The following AR variants were observed in gnomAD, a reference collection of about 807,000 sequenced individuals.
The protein encoded by AR is androgen receptor, also known as dihydrotestosterone receptor.
Under a neutral mutation model 53.9 loss-of-function variants are expected in AR, and 8 were observed. The ratio of observed to expected loss-of-function variants is 0.15; its 90% CI spans 0.09 to 0.27. AR has a LOEUF of 0.27. AR is among the 10% of genes least tolerant of loss of function. The pLI is 1.00. For missense variants in AR, 639 were observed against 742.5 expected (o/e 0.86, Z 1.62); for synonymous variants, 359 against 316.4 (o/e 1.13, Z -1.43).
chrX:67,697,597 C>T, intron 3 of AR, among the ~76,000 whole-genome samples: 1 of 111,437 alleles, frequency 9.0e-6, no homozygotes, highest in Non-Finnish European at 1.9e-5. Context: ...GCTAGAGATC[C>T]ATTCTTAGAA....
intron 1 of AR, among the ~76,000 whole-genome samples, chrX:67,627,955 G>T (rs189317922): frequency 9.0e-6 from 1 of 111,173 alleles, no homozygotes. Context: ...GTAGATATGC[G>T]GCATTATTTC....
chrX:67,626,636 T>A (rs867996631), intron 1 of AR, among the ~76,000 whole-genome samples: 6 of 89,505 alleles, frequency 6.7e-5, no homozygotes, highest in South Asian at 1.0e-3. Context: ...ATATATATAT[T>A]TATTATTATT....
intron 1 of AR, among the ~76,000 whole-genome samples, chrX:67,556,438 G>C (rs1346445581): frequency 8.9e-6 from 1 of 111,841 alleles, no homozygotes; most frequent in East Asian, 2.8e-4. Flanking sequence ...CAGACTGATG[G>C]ATTTGGTTGT....
At chrX:67,607,132 C>T (rs1387901830) in intron 1 of AR, among the ~76,000 whole-genome samples, 2 of 111,196 alleles carry the variant, frequency 1.8e-5, no homozygotes, top group Non-Finnish European at 3.8e-5. Flanking sequence ...CAGGTTCAAG[C>T]GATTCTCCTG....
At position 67,723,993 on chromosome X, in the gene AR, G is replaced by T. The variant is rs2076148227; in HGVS notation, c.*152G>T. 9 of 780,981 alleles carry T rather than the reference G, an allele frequency of 1.2e-5. No individual in the cohort carries two copies. Among genetic ancestry groups the T allele is most frequent in the Admixed American group, 3.2e-5 (1 of 31,336 alleles). 64.4% of individuals were successfully genotyped at this position (780,981 alleles called of 1,213,427 possible). A position where few individuals can be genotyped will look rare whatever the true frequency, so the allele number is the denominator to read the frequency against. On this transcript the variant is annotated 3_prime_UTR_variant, in exon 8 of 8. Transcript: ENST00000374690. ...ATGAACATGTTCCTGAATTCTATTT[G>T]CTGGGCTTTTTTTTTCTCTTTCTCT...
intron 1 of AR, among the ~76,000 whole-genome samples, chrX:67,613,057 C>G (rs1000274763): frequency 8.9e-6 from 1 of 112,171 alleles, no homozygotes; most frequent in Non-Finnish European, 1.9e-5. Context: ...GGCTTTGCCC[C>G]AGGGATGGTA....
At chrX:67,674,238 G>T (rs2075885228) in intron 2 of AR, among the ~76,000 whole-genome samples, 1 of 109,004 alleles carries the variant, frequency 9.2e-6, no homozygotes, top group African/African-American at 3.4e-5. Context: ...GGGTAGGGAT[G>T]ACACAATCAC....
At chrX:67,661,815 T>A (rs1926935934) in intron 2 of AR, among the ~76,000 whole-genome samples, 1 of 111,741 alleles carries the variant, frequency 8.9e-6, no homozygotes, top group Non-Finnish European at 1.9e-5. Flanking sequence ...TGAATCCATC[T>A]GGTTCTGGAC....
intron 1 of AR, among the ~76,000 whole-genome samples, chrX:67,572,958 G>A (rs897533021): frequency 1.8e-5 from 2 of 111,754 alleles, no homozygotes; most frequent in East Asian, 2.8e-4. Flanking sequence ...GCCGAATGAC[G>A]TGGGTAAGAA....
chrX:67,634,963 A>T (rs1018814127), intron 1 of AR, among the ~76,000 whole-genome samples: 1 of 110,559 alleles, frequency 9.0e-6, no homozygotes, highest in Admixed American at 9.7e-5. Flanking sequence ...TATGAGAAAG[A>T]TATGTGTTTA....
intron 3 of AR, among the ~76,000 whole-genome samples, chrX:67,709,767 C>T (rs780670547): frequency 8.9e-6 from 1 of 111,972 alleles, no homozygotes; most frequent in East Asian, 2.8e-4. Flanking sequence ...TGTTCCTATT[C>T]GGCCATCTTA....
At chrX:67,701,707 C>T (rs1195415846) in intron 3 of AR, among the ~76,000 whole-genome samples, 1 of 109,050 alleles carries the variant, frequency 9.2e-6, no homozygotes, top group African/African-American at 3.5e-5. Flanking sequence ...CACACACACA[C>T]ACATGCACAC....
chrX:67,669,463 T>C (rs1010572850), intron 2 of AR, among the ~76,000 whole-genome samples: 1 of 111,680 alleles, frequency 9.0e-6, no homozygotes, highest in African/African-American at 3.2e-5. Context: ...TGACCTAAGA[T>C]ATGATCTGTC....
At chrX:67,632,505 C>T (rs976409994) in intron 1 of AR, among the ~76,000 whole-genome samples, 45 of 112,359 alleles carry the variant, frequency 4.0e-4, no homozygotes, top group Admixed American at 2.9e-3. Flanking sequence ...GGCTCACACA[C>T]GGTGCGCTGC....
intron 2 of AR, among the ~76,000 whole-genome samples, chrX:67,679,035 T>A (rs1330974467): frequency 2.7e-5 from 3 of 111,237 alleles, no homozygotes; most frequent in African/African-American, 9.9e-5. Flanking sequence ...AATTTAAATA[T>A]TCTAACCACA....
intron 4 of AR, among the ~76,000 whole-genome samples, chrX:67,716,390 A>T (rs1268201945): frequency 3.6e-5 from 4 of 112,153 alleles, no homozygotes; most frequent in African/African-American, 1.3e-4. Context: ...TTGAGTGAAG[A>T]CTTGAAAGAT....
intron 1 of AR, among the ~76,000 whole-genome samples, chrX:67,642,741 A>T (rs1268672699): frequency 8.9e-6 from 1 of 111,897 alleles, no homozygotes; most frequent in Non-Finnish European, 1.9e-5. Context: ...TCTGATTTAT[A>T]TTACCACTCA....
intron 3 of AR, among the ~76,000 whole-genome samples, chrX:67,710,047 T>C (rs916474035): frequency 1.8e-5 from 2 of 110,943 alleles, no homozygotes; most frequent in Non-Finnish European, 3.8e-5. Context: ...AATGTATGTG[T>C]GTGTGTTTTT....
chrX:67,629,032 C>A (rs772131417), intron 1 of AR, among the ~76,000 whole-genome samples: 1 of 111,141 alleles, frequency 9.0e-6, no homozygotes, highest in African/African-American at 3.3e-5. Context: ...TGCTGGATTC[C>A]GTTTGCCAGT....
Sources: gnomAD v4.1 joint callset for allele counts (sites outside exome capture counted in the v4.1 genomes callset) on GRCh38, gnomAD v4.1.1 for gene constraint, MANE v1.5 for transcripts, NCBI Gene and HGNC (gene_info 2026-07-23, HGNC 2026-07-21) for gene names.